Variants in KALRN observed in about 807,000 individuals in gnomAD.
KALRN encodes kalirin RhoGEF kinase.
Under a neutral mutation model 353.7 loss-of-function variants are expected in KALRN, and 70 were observed. The observed-to-expected ratio is 0.20, with a 90% CI of 0.16 to 0.24. The LOEUF is 0.24. Among genes scored for constraint, KALRN ranks in the 10% least tolerant of loss-of-function variants. The pLI is 1.00. For missense variants in KALRN, 2,791 were observed against 3,756.7 expected (o/e 0.74, Z 6.72); for synonymous variants, 1,391 against 1,434.8 (o/e 0.97, Z 0.69).
At chr3:124,415,483 A>T (rs2092445002) in intron 14 of KALRN, among the ~76,000 whole-genome samples, 1 of 152,198 alleles carries the variant, frequency 6.6e-6, no homozygotes, top group Non-Finnish European at 1.5e-5. Context: ...TCATACCTGA[A>T]CTCATTACAT....
intron 10 of KALRN, among the ~76,000 whole-genome samples, chr3:124,378,782 T>C (rs1055328098): frequency 6.6e-6 from 1 of 152,046 alleles, no homozygotes; most frequent in African/African-American, 2.4e-5. Context: ...TCTGCTATCA[T>C]CCTTATCTTT....
At chr3:124,102,789 T>G (rs1244005838) in intron 1 of KALRN, among the ~76,000 whole-genome samples, 2 of 152,234 alleles carry the variant, frequency 1.3e-5, no homozygotes, top group African/African-American at 2.4e-5. Flanking sequence ...ACCTAATAAA[T>G]AACTTTGGCT....
chr3:124,525,241 T>C (rs1383915523), intron 33 of KALRN, among the ~76,000 whole-genome samples: 1 of 152,130 alleles, frequency 6.6e-6, no homozygotes, highest in African/African-American at 2.4e-5. Context: ...AGTTCAGAAA[T>C]AGCAGTGATG....
chr3:124,384,967 C>T lies in KALRN; in HGVS notation c.1893C>T (p.Phe631=), dbSNP rs566946896. ...ARHLEVRIQD[F]VRRVEQRKLL... is the part of the protein sequence containing the mutation. The stretch of plus-strand genomic sequence containing the variant: ...ACCTGGAGGTGCGCATCCAAGACTT[C>T]GTGCGCAGGGTGGAGCAGCGGAAGC... The change falls in exon 11 of 60, where the codon TTC becomes TTT. Residue 631 remains phenylalanine, a synonymous_variant. Transcript: ENST00000682506. The T allele has an allele frequency of 4.3e-6, 7 of 1,614,012 alleles. No homozygotes were observed. The highest frequency in any genetic ancestry group is 1.7e-5 in the Admixed American group (1 of 59,996).
chr3:124,177,925 C>T lies in KALRN; in HGVS notation c.74-50065C>T, dbSNP rs62265092. Among the ~76,000 whole-genome samples the T allele has an allele frequency of 9.7e-3, 1,482 of 152,294 alleles. 40 individuals carry two copies. Among genetic ancestry groups the T allele is most frequent in the Admixed American group, 0.047 (720 of 15,304 alleles). ...GGGTAATAGGTGGACTTTACCATAGCTACTTGGTCCATGCAAGTGTTTTAG... is the reference window on the plus strand; with the variant it reads ...GGGTAATAGGTGGACTTTACCATAGTTACTTGGTCCATGCAAGTGTTTTAG... On this transcript the variant is annotated intron_variant, in intron 1 of 59. Transcript: ENST00000682506.
intron 57 of KALRN, among the ~76,000 whole-genome samples, chr3:124,710,251 T>C (rs1282265398): frequency 6.6e-6 from 1 of 152,184 alleles, no homozygotes; most frequent in East Asian, 1.9e-4. Flanking sequence ...ATGGACATAG[T>C]GTAGTAATGT....
rs1003762285 is a variant in KALRN, at chr3:124,334,602, G to C, written c.1647+107G>C. 4.2e-6 allele frequency: 3 copies of C among 722,512 alleles called. No individual in the cohort carries two copies. The highest frequency in any genetic ancestry group is 6.9e-6 in the Non-Finnish European group (3 of 431,702). 44.8% of individuals were successfully genotyped at this position (722,512 alleles called of 1,614,324 possible). On this transcript the variant is annotated intron_variant, in intron 9 of 59. Transcript: ENST00000682506. The surrounding 1 kb of genome is among the most constrained non-coding windows in gnomAD (Gnocchi z 4.2). ...TTAGGAGAGCCCAGATTTATAGAAG[G>C]ACATAATGAAATTCAGCTCTCAACT...
At chr3:124,316,067 AAGC>A (rs1199134327) in intron 6 of KALRN, among the ~76,000 whole-genome samples, 1 of 152,124 alleles carries the variant, frequency 6.6e-6, no homozygotes, top group Non-Finnish European at 1.5e-5. Context: ...GCAGCACAAA[AAGC>A]AGAAGTCACA....
chr3:124,068,265 G>T (rs775121105), intron 1 of KALRN, among the ~76,000 whole-genome samples: 3 of 152,218 alleles, frequency 2.0e-5, no homozygotes, highest in African/African-American at 4.8e-5. Flanking sequence ...GTGGAACTCA[G>T]TATACTTGTC....
intron 1 of KALRN, among the ~76,000 whole-genome samples, chr3:124,195,235 T>G (rs1280302045): frequency 1.3e-5 from 2 of 152,186 alleles, no homozygotes; most frequent in Non-Finnish European, 2.9e-5. Context: ...TGATGGGGGC[T>G]TGCCAGACCT....
In KALRN at chr3:124,189,396, A is replaced by G. The variant is rs150938179; in HGVS notation, c.74-38594A>G. Among the ~76,000 whole-genome samples the G allele has an allele frequency of 6.6e-4, 100 of 152,278 alleles. 1 individual carries two copies. Among genetic ancestry groups the G allele is most frequent in the African/African-American group, 2.3e-3 (94 of 41,548 alleles). On this transcript the variant is annotated intron_variant, in intron 1 of 59. Coordinates refer to ENST00000682506, the MANE Select transcript of KALRN (RefSeq NM_001388419.1). ...GTCAGCTCATACCTCAGAACATGCA[A>G]TGGATTCCAGGAGTTTTGAAAAAGG...
At chr3:124,234,705 C>T in intron 2 of KALRN, 124 bp from the exon 3 acceptor site, 1 of 714,990 alleles carries the variant, frequency 1.4e-6, no homozygotes, top group Admixed American at 2.3e-5. Flanking sequence ...TAAGCAGTGA[C>T]CAGATTTCTC....
intron 7 of KALRN, among the ~76,000 whole-genome samples, chr3:124,328,239 T>C (rs11922827): frequency 0.053 from 8,053 of 152,264 alleles, 681 homozygotes; most frequent in African/African-American, 0.18. Context: ...TAGTGACTGA[T>C]AGTGACTGGT....
chr3:124,122,722 G>T (rs1397657270), intron 1 of KALRN, among the ~76,000 whole-genome samples: 1 of 152,088 alleles, frequency 6.6e-6, no homozygotes, highest in Non-Finnish European at 1.5e-5. Flanking sequence ...CCACCTACCA[G>T]CTGTTTTCTC....
intron 1 of KALRN, among the ~76,000 whole-genome samples, chr3:124,054,741 C>T (rs1171636297): frequency 6.6e-6 from 1 of 152,182 alleles, no homozygotes; most frequent in Admixed American, 6.5e-5. Flanking sequence ...TAATTTGTAT[C>T]TCGGCAGTAG....
At chr3:124,139,363 CT>C (rs1377416604) in intron 1 of KALRN, among the ~76,000 whole-genome samples, 1 of 152,186 alleles carries the variant, frequency 6.6e-6, no homozygotes, top group East Asian at 1.9e-4. Flanking sequence ...AATACTACAT[CT>C]TTTGTGGCTT....
At chr3:124,100,846 G>C (rs2061804508) in intron 1 of KALRN, among the ~76,000 whole-genome samples, 2 of 152,146 alleles carry the variant, frequency 1.3e-5, no homozygotes, top group Admixed American at 6.6e-5. Flanking sequence ...CAATTAAATT[G>C]GAATAGCTGG....
intron 10 of KALRN, among the ~76,000 whole-genome samples, chr3:124,367,879 T>C (rs866922719): frequency 1.8e-3 from 8 of 4,536 alleles, no homozygotes; most frequent in Admixed American, 5.3e-3. Flanking sequence ...ACCCCCCCAC[T>C]TCCCTCCCGG....
chr3:124,476,232 G>C (rs1451514059), intron 26 of KALRN, among the ~76,000 whole-genome samples: 1 of 151,412 alleles, frequency 6.6e-6, no homozygotes, highest in Non-Finnish European at 1.5e-5. Flanking sequence ...GAAAGGCAGT[G>C]GTCAAGACCA....
Sources: allele counts gnomAD v4.1 joint callset (sites outside exome capture counted in the v4.1 genomes callset), GRCh38; gene constraint gnomAD v4.1.1; non-coding constraint Gnocchi (gnomAD v3.1); transcripts MANE v1.5; gene names NCBI Gene and HGNC (gene_info 2026-07-23, HGNC 2026-07-21).